APBB2: variants seen among roughly 807,000 people sequenced by gnomAD.
APBB2 encodes Fe65-like 1.
APBB2 carries 38 observed loss-of-function variants against 82.5 expected under a neutral mutation model. The observed-to-expected ratio is 0.46, with a 90% confidence interval of 0.36 to 0.60. The LOEUF (loss-of-function observed/expected upper bound fraction) is 0.60. Among genes scored for constraint, APBB2 ranks in the 20% least tolerant of loss-of-function variants. The probability of loss-of-function intolerance (pLI) is 0.00; values close to 1 mark genes in which losing one functional copy is unlikely to be tolerated. For synonymous variants in APBB2, 341 were observed against 368.2 expected (o/e 0.93, Z 0.85); for missense variants, 772 against 972.3 (o/e 0.79, Z 2.74).
At chr4:40,928,387 A>AACACACACACACACAC (rs34694637) in intron 10 of APBB2, among the ~76,000 whole-genome samples, 1 of 112,802 alleles carries the variant, frequency 8.9e-6, no homozygotes, top group Non-Finnish European at 1.8e-5. Flanking sequence ...TACTAAAGAA[A>AACACACACACACACAC]ACACACACAC....
At chr4:40,992,624 T>G (rs1479949728) in intron 6 of APBB2, among the ~76,000 whole-genome samples, 1 of 152,164 alleles carries the variant, frequency 6.6e-6, no homozygotes, top group African/African-American at 2.4e-5. Context: ...GGAAAATTGT[T>G]CAATGAGGTG....
chr4:41,157,186 T>A (rs1373380909), intron 1 of APBB2, among the ~76,000 whole-genome samples: 1 of 152,092 alleles, frequency 6.6e-6, no homozygotes, highest in African/African-American at 2.4e-5. Context: ...GCGATTTCTA[T>A]CGTCTTGCAC....
intron 6 of APBB2, among the ~76,000 whole-genome samples, chr4:40,996,394 G>A (rs1803644117): frequency 6.6e-6 from 1 of 152,098 alleles, no homozygotes; most frequent in Admixed American, 6.5e-5. Flanking sequence ...ATCCTCATCT[G>A]ATCACCCCTC....
At chr4:41,031,205 T>TC (rs1716632947) in intron 5 of APBB2, among the ~76,000 whole-genome samples, 1 of 152,048 alleles carries the variant, frequency 6.6e-6, no homozygotes, top group African/African-American at 2.4e-5. Context: ...AGCCTGGGTG[T>TC]CAGAGCAAGA....
intron 5 of APBB2, among the ~76,000 whole-genome samples, chr4:41,029,163 T>C (rs1003830080): frequency 6.6e-6 from 1 of 152,238 alleles, no homozygotes; most frequent in East Asian, 1.9e-4. Flanking sequence ...TCATTTCCAC[T>C]GAGGAGTTAA....
At chr4:40,957,371 C>T (rs1560382445) in intron 6 of APBB2, among the ~76,000 whole-genome samples, 2 of 151,950 alleles carry the variant, frequency 1.3e-5, no homozygotes, top group Non-Finnish European at 2.9e-5. Flanking sequence ...TAGATAATAA[C>T]ACTGGCCACC....
chr4:40,966,697 T>C (rs1329151084), intron 6 of APBB2, among the ~76,000 whole-genome samples: 1 of 152,172 alleles, frequency 6.6e-6, no homozygotes, highest in Non-Finnish European at 1.5e-5. Context: ...ACCAGCCCCC[T>C]GCTGCCTCAG....
intron 1 of APBB2, among the ~76,000 whole-genome samples, chr4:41,206,279 T>C (rs558005984): frequency 2.8e-4 from 42 of 152,194 alleles, no homozygotes; most frequent in Non-Finnish European, 5.1e-4. Flanking sequence ...GCCACAGCTC[T>C]TGCCACTCTC....
chr4:40,917,501 T>C (rs546499522), intron 10 of APBB2, among the ~76,000 whole-genome samples: 62 of 124,910 alleles, frequency 5.0e-4, no homozygotes, highest in Middle Eastern at 4.7e-3. Flanking sequence ...CCACAATACC[T>C]AGGTAAGTGC....
chr4:40,864,514 T>G (rs571828805), intron 12 of APBB2, among the ~76,000 whole-genome samples: 2 of 152,340 alleles, frequency 1.3e-5, no homozygotes, highest in South Asian at 4.1e-4. Context: ...CCCAATGGCC[T>G]GGAGTCTTCC....
chr4:41,093,487 T>C (rs752507921), intron 3 of APBB2, among the ~76,000 whole-genome samples: 1 of 152,116 alleles, frequency 6.6e-6, no homozygotes, highest in African/African-American at 2.4e-5. Context: ...ACCAGGTACA[T>C]GAACCTATGA....
chr4:41,003,742 T>C (rs867044253), intron 6 of APBB2, among the ~76,000 whole-genome samples: 3 of 152,228 alleles, frequency 2.0e-5, no homozygotes, highest in Middle Eastern at 3.2e-3. Context: ...AGACAGAGTC[T>C]CGCTCTGTTG....
At chr4:40,904,219 T>C (rs1776091238) in intron 10 of APBB2, among the ~76,000 whole-genome samples, 1 of 152,010 alleles carries the variant, frequency 6.6e-6, no homozygotes, top group East Asian at 1.9e-4. Flanking sequence ...TCACTTGAGG[T>C]CAGGAGTTCG....
intron 12 of APBB2, among the ~76,000 whole-genome samples, chr4:40,885,417 C>T (rs1001339909): frequency 6.6e-6 from 1 of 152,164 alleles, no homozygotes; most frequent in African/African-American, 2.4e-5. Flanking sequence ...CCATAGTACT[C>T]GGCCAGTGAG....
rs537695818 is a variant in APBB2, at chr4:40,831,390, G to A, written c.1530-813C>T. Among the ~76,000 whole-genome samples, 263 of 149,812 alleles carry A rather than the reference G, an allele frequency of 1.8e-3. 1 individual carries two copies. The highest frequency in any genetic ancestry group is 2.9e-3 in the Non-Finnish European group (196 of 67,736). ...GCACTCCAGCCTGGGGGACAAGGGT[G>A]AAACTCCCTCTGAAAAAAAACAAAA... On this transcript the variant is annotated intron_variant, in intron 12 of 17. Coordinates refer to ENST00000508593, the MANE Select transcript of APBB2 (RefSeq NM_004307.2).
chr4:41,168,455 C>A (rs1767331025), intron 1 of APBB2, among the ~76,000 whole-genome samples: 1 of 152,030 alleles, frequency 6.6e-6, no homozygotes, highest in Non-Finnish European at 1.5e-5. Context: ...TCTCCTGCCT[C>A]AGCATCCTGA....
At chr4:41,189,877 G>A (rs76997221) in intron 1 of APBB2, among the ~76,000 whole-genome samples, 4,864 of 152,248 alleles carry the variant, frequency 0.032, 256 homozygotes, top group African/African-American at 0.11. Context: ...TGGGAGACAG[G>A]CCTGGGGCCC....
intron 12 of APBB2, among the ~76,000 whole-genome samples, chr4:40,850,284 C>T (rs777913718): frequency 7.2e-5 from 11 of 152,046 alleles, no homozygotes; most frequent in South Asian, 4.1e-4. Flanking sequence ...CTTTGTAACA[C>T]CCTATTATTA....
chr4:40,891,482 A>G (rs958484766), intron 11 of APBB2, among the ~76,000 whole-genome samples: 3 of 152,218 alleles, frequency 2.0e-5, no homozygotes, highest in Admixed American at 1.3e-4. Flanking sequence ...TAGGTCTTCA[A>G]ATCTCAAAGT....
Sources: gnomAD v4.1 joint callset for allele counts (sites outside exome capture counted in the v4.1 genomes callset) on GRCh38, gnomAD v4.1.1 for gene constraint, MANE v1.5 for transcripts, NCBI Gene and HGNC (gene_info 2026-07-23, HGNC 2026-07-21) for gene names.